VKORC1L1: variants seen among roughly 807,000 people sequenced by gnomAD.
VKORC1L1 encodes the protein vitamin K epoxide reductase complex subunit 1L1.
Under a neutral mutation model 18.9 loss-of-function variants are expected in VKORC1L1, and 2 were observed. The observed-to-expected ratio is 0.11, with a 90% CI of 0.04 to 0.33. VKORC1L1 has a LOEUF of 0.33. VKORC1L1 is among the 10% of genes least tolerant of loss of function. The probability of loss-of-function intolerance (pLI) is 1.00; values close to 1 mark genes in which losing one functional copy is unlikely to be tolerated. For synonymous variants in VKORC1L1, 96 were observed against 100.0 expected, an observed-to-expected ratio of 0.96 and a Z score of 0.24; for missense variants, 123 against 224.1, an observed-to-expected ratio of 0.55 and a Z score of 2.88.
intron 1 of VKORC1L1, among the ~76,000 whole-genome samples, chr7:65,878,860 G>A (rs1195156149): frequency 2.6e-5 from 4 of 152,178 alleles, no homozygotes; most frequent in African/African-American, 7.2e-5. Flanking sequence ...GTGAGCTGAG[G>A]TCGTGCCACT....
At position 65,954,198 on chromosome 7, in the gene VKORC1L1, C is replaced by T. The variant is rs958347131; in HGVS notation, c.429C>T (p.Ile143=). 2 of 1,614,132 alleles carry T rather than the reference C, an allele frequency of 1.2e-6. No individual in the cohort carries two copies. Among genetic ancestry groups the T allele is most frequent in the Non-Finnish European group, 8.5e-7 (1 of 1,180,034 alleles). Residue 143 remains isoleucine, a synonymous_variant, in exon 3 of 3, where the codon ATC becomes ATT. Transcript: ENST00000360768. ...TGAAGGAGTTCTGCATCATCTGCAT[C>T]GTCACGTACGTGCTGAACTTCCTTC... ...FVLKEFCIIC[I]VTYVLNFLLL...
At chr7:65,912,862 T>G (rs1175364266) in intron 1 of VKORC1L1, among the ~76,000 whole-genome samples, 1 of 152,254 alleles carries the variant, frequency 6.6e-6, no homozygotes, top group African/African-American at 2.4e-5. Flanking sequence ...AATTACATTT[T>G]AGTAAATTTA....
intron 1 of VKORC1L1, among the ~76,000 whole-genome samples, chr7:65,925,002 C>T (rs1454415459): frequency 6.6e-6 from 1 of 152,110 alleles, no homozygotes; most frequent in African/African-American, 2.4e-5. Context: ...TTGTGGTGTT[C>T]CCTAGTACTC....
rs1790343593 is a variant in VKORC1L1, at chr7:65,958,777, T to G, written c.*4477T>G. On this transcript the variant is annotated 3_prime_UTR_variant, in exon 3 of 3. Coordinates refer to ENST00000360768, the MANE Select transcript of VKORC1L1 (RefSeq NM_173517.6). The stretch of plus-strand genomic sequence containing the variant: ...TCCTGTAGGTTTACGGTGTATGTGA[T>G]TGTCAAGAATTAATGACAAAAATGT... The G allele has an allele frequency of 6.6e-6, 1 of 152,244 alleles. No homozygotes were observed. The highest frequency in any genetic ancestry group is 2.1e-4 in the South Asian group (1 of 4,834). The allele number at this position is 152,244 out of a possible 1,614,324, so 9.4% of individuals were successfully genotyped here. A position where few individuals can be genotyped will look rare whatever the true frequency, so the allele number is the denominator to read the frequency against.
intron 1 of VKORC1L1, among the ~76,000 whole-genome samples, chr7:65,898,442 C>A (rs35421653): frequency 0.11 from 16,887 of 152,046 alleles, 1,089 homozygotes; most frequent in Middle Eastern, 0.2. Context: ...AGAAAAGTCT[C>A]TGAGATACAT....
intron 1 of VKORC1L1, among the ~76,000 whole-genome samples, chr7:65,929,041 CTTGT>C (rs1789813181): frequency 6.6e-6 from 1 of 152,106 alleles, no homozygotes; most frequent in African/African-American, 2.4e-5. Context: ...TATTTGGTGA[CTTGT>C]TTGTTTAAAT....
chr7:65,953,573 T>C lies in VKORC1L1; in HGVS notation c.305-501T>C, dbSNP rs144731489. ...AATTAGTAATGTTTTACCTGAAAGA[T>C]TGAGAAATCAAAAACATCACAGCTA... On this transcript the variant is annotated intron_variant, in intron 2 of 2. Transcript: ENST00000360768. Among the ~76,000 whole-genome samples the C allele has an allele frequency of 7.7e-3, 1,179 of 152,310 alleles. 13 individuals are homozygous for C. Among genetic ancestry groups the C allele is most frequent in the African/African-American group, 0.026 (1,084 of 41,570 alleles).
At chr7:65,897,737 C>T (rs1583833003) in intron 1 of VKORC1L1, among the ~76,000 whole-genome samples, 1 of 147,196 alleles carries the variant, frequency 6.8e-6, no homozygotes, top group Admixed American at 6.8e-5. Flanking sequence ...TGGAATTACA[C>T]TGAGAAAATT....
At position 65,956,730 on chromosome 7, in the gene VKORC1L1, T is replaced by G. The variant is rs1790301782; in HGVS notation, c.*2430T>G. 6.6e-6 allele frequency: 1 copy of G among 152,238 alleles called. No individual in the cohort carries two copies. Among genetic ancestry groups the G allele is most frequent in the Non-Finnish European group, 1.5e-5 (1 of 68,050 alleles). The allele number at this position is 152,238 out of a possible 1,614,324, so 9.4% of individuals were successfully genotyped here. A position where few individuals can be genotyped will look rare whatever the true frequency, so the allele number is the denominator to read the frequency against. ...TCAGATTCCTTTCTATACCTCCGAT[T>G]CTGCCCAGAAGAGGGGGGGAATCAC... On this transcript the variant is annotated 3_prime_UTR_variant, in exon 3 of 3. Coordinates refer to ENST00000360768, the MANE Select transcript of VKORC1L1 (RefSeq NM_173517.6).
Position 65,904,888 on chromosome 7 carries a change from G to T in VKORC1L1, c.194+31323G>T, listed in dbSNP as rs79474241. Among the ~76,000 whole-genome samples the T allele has an allele frequency of 3.8e-3, 583 of 152,068 alleles. 6 individuals carry two copies. The highest frequency in any genetic ancestry group is 0.013 in the African/African-American group (555 of 41,492). ...GTGTACTTCTTTCCAGTTGATTTTT[G>T]TCTGTGTATATATATGTGTGTATAC... On this transcript the variant is annotated intron_variant, in intron 1 of 2. Transcript: ENST00000360768.
intron 1 of VKORC1L1, among the ~76,000 whole-genome samples, chr7:65,901,497 G>T (rs551714955): frequency 6.6e-6 from 1 of 152,336 alleles, no homozygotes; most frequent in East Asian, 1.9e-4. Context: ...CAATTTGTAG[G>T]CATTGGGTAA....
In VKORC1L1 at chr7:65,920,925, GGAAA is replaced by G. The variant is rs1400871884; in HGVS notation, c.195-27738_195-27735del. 3.3e-5 allele frequency among the ~76,000 whole-genome samples: 5 copies of G among 151,692 alleles called. No individual in the cohort carries two copies. In the East Asian group the frequency reaches 5.8e-4, roughly 18 times the overall value. On this transcript the variant is annotated intron_variant, in intron 1 of 2. Transcript: ENST00000360768. ...GGAAAGAGAAAGAGAAAAAGGAGAA[GGAAA>G]GAAAGAAGAAAGAAAGAAAGTTAAA...
At chr7:65,890,165 C>G (rs1046594577) in intron 1 of VKORC1L1, among the ~76,000 whole-genome samples, 1 of 135,914 alleles carries the variant, frequency 7.4e-6, no homozygotes, top group Non-Finnish European at 1.5e-5. Flanking sequence ...GAGTCTCGCT[C>G]TGTTTCCCAG....
chr7:65,918,833 A>T (rs1031321585), intron 1 of VKORC1L1, among the ~76,000 whole-genome samples: 1 of 152,190 alleles, frequency 6.6e-6, no homozygotes, highest in African/African-American at 2.4e-5. Flanking sequence ...GGTGGCTCCC[A>T]TCTGTAATCC....
At chr7:65,891,423 A>G (rs1789109495) in intron 1 of VKORC1L1, among the ~76,000 whole-genome samples, 1 of 152,192 alleles carries the variant, frequency 6.6e-6, no homozygotes, top group Non-Finnish European at 1.5e-5. Flanking sequence ...TTCCCTGATT[A>G]CTAATGAGGT....
intron 1 of VKORC1L1, among the ~76,000 whole-genome samples, chr7:65,905,050 T>C (rs2116402342): frequency 6.6e-6 from 1 of 152,346 alleles, no homozygotes; most frequent in African/African-American, 2.4e-5. Flanking sequence ...TGTATATATA[T>C]ACACCTACAT....
intron 1 of VKORC1L1, among the ~76,000 whole-genome samples, chr7:65,933,077 C>CAAAAAAA (rs59403784): frequency 1.5e-5 from 1 of 65,354 alleles, no homozygotes; most frequent in Non-Finnish European, 3.1e-5. Context: ...GACTTCGTCT[C>CAAAAAAA]AAAAAAAAAA....
chr7:65,897,050 G>A (rs1789225863), intron 1 of VKORC1L1, among the ~76,000 whole-genome samples: 1 of 152,120 alleles, frequency 6.6e-6, no homozygotes, highest in Non-Finnish European at 1.5e-5. Context: ...GCAAAAACTA[G>A]TATAAACAAA....
intron 1 of VKORC1L1, among the ~76,000 whole-genome samples, chr7:65,903,169 A>ATT (rs147374619): frequency 2.5e-5 from 3 of 118,406 alleles, no homozygotes; most frequent in Non-Finnish European, 5.4e-5. Context: ...CTTGGCCTTC[A>ATT]TTTTTTTTTT....
Sources: allele counts gnomAD v4.1 joint callset (sites outside exome capture counted in the v4.1 genomes callset), GRCh38; gene constraint gnomAD v4.1.1; transcripts MANE v1.5; gene names NCBI Gene and HGNC (gene_info 2026-07-23, HGNC 2026-07-21).